CFAP161: variants seen among roughly 807,000 people sequenced by gnomAD.
CFAP161 encodes the protein cilia and flagella associated protein 161, also known as cilia- and flagella-associated protein 161.
CFAP161 carries 25 observed loss-of-function variants against 29.0 expected under a neutral mutation model. The ratio of observed to expected loss-of-function variants is 0.86; its 90% CI spans 0.63 to 1.20. CFAP161 has a LOEUF of 1.20. CFAP161 is among the 50% of genes most tolerant of loss of function. The pLI is 0.00. For missense variants in CFAP161, 367 were observed against 371.9 expected, an observed-to-expected ratio of 0.99 and a Z score of 0.11; for synonymous variants, 116 against 137.4, an observed-to-expected ratio of 0.84 and a Z score of 1.09.
upstream of CFAP161, among the ~76,000 whole-genome samples, chr15:81,131,915 C>A (rs1317377072): frequency 2.0e-5 from 3 of 152,082 alleles, no homozygotes; most frequent in East Asian, 3.8e-4. Flanking sequence ...CAAAAAAAAT[C>A]TTGAAAGCAG....
At chr15:81,103,122 A>G (rs1894322287) in intron 1 of CFAP161, among the ~76,000 whole-genome samples, 1 of 152,222 alleles carries the variant, frequency 6.6e-6, no homozygotes, top group African/African-American at 2.4e-5. Flanking sequence ...AGCACTTAGT[A>G]TGAGCCTGGC....
chr15:81,107,922 AT>A (rs58188926), intron 1 of CFAP161, among the ~76,000 whole-genome samples: 7,248 of 143,522 alleles, frequency 0.051, 516 homozygotes, highest in African/African-American at 0.16. Flanking sequence ...CTCTTATCAC[AT>A]TTTTTTTTTT....
chr15:81,133,214 TATATA>T (rs1894742860), upstream of CFAP161, among the ~76,000 whole-genome samples: 5 of 42,258 alleles, frequency 1.2e-4, no homozygotes, highest in African/African-American at 4.0e-4. Context: ...TATATATATA[TATATA>T]TATATGTATT....
In CFAP161 at chr15:81,121,510, A is replaced by AG. The variant is rs1379320293; in HGVS notation, c.-141-6080_-141-6079insG. Among the ~76,000 whole-genome samples the AG allele has an allele frequency of 1.0e-4, 9 of 87,094 alleles. No individual in the cohort carries two copies. The East Asian group carries it at 2.0e-3, about 19-fold the overall frequency. 57.1% of individuals were successfully genotyped at this position (87,094 alleles called of 152,430 possible). A position where few individuals can be genotyped will look rare whatever the true frequency, so the allele number is the denominator to read the frequency against. ...TACTTTTCTTATAATTTTTTTCATC[A>AG]AAAACACATCTGACTTTTTTGGTAT... On this transcript the variant is annotated intron_variant, in intron 1 of 4. Transcript: ENST00000560091.
At chr15:81,137,427 T>A (rs1595917840) in intron 3 of CFAP161, among the ~76,000 whole-genome samples, 1 of 151,248 alleles carries the variant, frequency 6.6e-6, no homozygotes, top group South Asian at 2.1e-4. Flanking sequence ...AAACCCCATC[T>A]CTACAAAAAA....
At chr15:81,132,085 TG>T (rs1406368084), upstream of CFAP161, among the ~76,000 whole-genome samples, 1 of 152,146 alleles carries the variant, frequency 6.6e-6, no homozygotes, top group Non-Finnish European at 1.5e-5. Context: ...AAGACCAGCC[TG>T]GCCAACCTGG....
intron 5 of CFAP161, among the ~76,000 whole-genome samples, chr15:81,145,504 CTG>C (rs1365170108): frequency 6.6e-6 from 1 of 152,130 alleles, no homozygotes; most frequent in Non-Finnish European, 1.5e-5. Flanking sequence ...GTTGTCATGA[CTG>C]TTGTTGTTAT....
At chr15:81,141,183 A>G (rs572732157) in intron 4 of CFAP161, among the ~76,000 whole-genome samples, 1 of 152,300 alleles carries the variant, frequency 6.6e-6, no homozygotes, top group East Asian at 1.9e-4. Context: ...ATGTCTCTCC[A>G]TTTATTCTGT....
At position 81,136,702 on chromosome 15, in the gene CFAP161, G is replaced by A. The variant is rs748960955; in HGVS notation, c.346G>A (p.Val116Ile). The A allele has an allele frequency of 1.2e-6, 2 of 1,614,154 alleles. No homozygotes were observed. The highest frequency in any genetic ancestry group is 2.2e-5 in the South Asian group (2 of 91,070). ...ELEVPCGLSA[V>I]QAKTPIGRNT... is the part of the protein sequence containing the mutation. ...AGAGGTACCCTGTGGCCTGAGCGCA[G>A]TTCAAGCCAAGACCCCAATTGGCAG... is the stretch of plus-strand genomic sequence containing the variant. The change falls in exon 3 of 7, where the codon GTT (valine) becomes ATT (isoleucine). Residue 116 changes from valine (V) to isoleucine (I), a missense_variant. By Grantham distance (29) the Val-to-Ile change is conservative (BLOSUM62 3). Transcript: ENST00000286732.
chr15:81,105,575 G>A (rs945786033), intron 1 of CFAP161, among the ~76,000 whole-genome samples: 12 of 151,964 alleles, frequency 7.9e-5, no homozygotes, highest in Non-Finnish European at 1.6e-4. Context: ...GGAGAGGTTG[G>A]TTGGCAGAAG....
At chr15:81,118,353 C>CTCT (rs1894526159) in intron 1 of CFAP161, 1 of 313,518 alleles carries the variant, frequency 3.2e-6, no homozygotes, top group Non-Finnish European at 6.1e-6. Context: ...TCTTTAAACA[C>CTCT]TCTTACATCT....
chr15:81,135,351 T>C lies in CFAP161; in HGVS notation c.151T>C (p.Leu51=). The C allele has an allele frequency of 6.3e-7, 1 of 1,580,808 alleles. No individual in the cohort carries two copies. The highest frequency in any genetic ancestry group is 8.5e-7 in the Non-Finnish European group (1 of 1,170,832). Residue 51 remains leucine (L), a synonymous_variant, in exon 2 of 7, where the codon TTG becomes CTG. Transcript: ENST00000286732. ...QRSRRLKQNL[L]RPMQLSVTED... is the part of the protein sequence containing the mutation. ...AAGTAGAAGACTAAAACAGAATCTC[T>C]TGAGACCGGTAACTTTTTTTTTTTT...
Position 81,136,525 on chromosome 15 carries a change from T to G in CFAP161, c.169T>G (p.Ser57Ala). Reference sequence around the variant, plus strand: ...ACTATCAAAATTGTAGATGCAACTTTCCGTAACTGAAGATGGCTATATTCA... The same window carrying G: ...ACTATCAAAATTGTAGATGCAACTTGCCGTAACTGAAGATGGCTATATTCA... ...KQNLLRPMQL[S>A]VTEDGYIHYG... The change falls in exon 3 of 7, where the codon TCC becomes GCC. Residue 57 changes from serine (S) to alanine (A), a missense_variant. Transcript: ENST00000286732. 1 of 1,614,086 alleles carries G rather than the reference T, an allele frequency of 6.2e-7. No homozygotes were observed. Among genetic ancestry groups the G allele is most frequent in the South Asian group, 1.1e-5 (1 of 91,070 alleles).
At chr15:81,119,660 G>A (rs948169449) in intron 1 of CFAP161, among the ~76,000 whole-genome samples, 1 of 151,936 alleles carries the variant, frequency 6.6e-6, no homozygotes, top group Non-Finnish European at 1.5e-5. Context: ...CTCTCTGGAG[G>A]CCCACCCAGA....
At chr15:81,131,136 TAAA>T (rs34706078), upstream of CFAP161, among the ~76,000 whole-genome samples, 21 of 130,894 alleles carry the variant, frequency 1.6e-4, no homozygotes, top group Non-Finnish European at 1.8e-4. Flanking sequence ...CTTCAATTTG[TAAA>T]AAAAAAAAAA....
chr15:81,128,062 T>C (rs1007462012), intron 2 of CFAP161, among the ~76,000 whole-genome samples: 15 of 152,372 alleles, frequency 9.8e-5, no homozygotes, highest in African/African-American at 3.4e-4. Flanking sequence ...GTAGATGGCC[T>C]TGTAGAAGTA....
At chr15:81,107,135 T>C (rs1338367287) in intron 1 of CFAP161, among the ~76,000 whole-genome samples, 1 of 152,186 alleles carries the variant, frequency 6.6e-6, no homozygotes, top group African/African-American at 2.4e-5. Context: ...ATGAGGTGCC[T>C]GGAGGAATTT....
intron 5 of CFAP161, among the ~76,000 whole-genome samples, chr15:81,146,483 G>A (rs772893042): frequency 2.5e-4 from 38 of 151,896 alleles, no homozygotes; most frequent in Non-Finnish European, 4.1e-4. Flanking sequence ...ACCATATCTT[G>A]TGTGGCAAAG....
At chr15:81,129,249 A>G (rs2683249) in intron 2 of CFAP161, among the ~76,000 whole-genome samples, 109,673 of 151,974 alleles carry the variant, frequency 0.72, 40,214 homozygotes, top group Non-Finnish European at 0.78. Flanking sequence ...TTCCAGTTAT[A>G]GAGCACAGGA....
Sources: allele counts gnomAD v4.1 joint callset (sites outside exome capture counted in the v4.1 genomes callset), GRCh38; gene constraint gnomAD v4.1.1; transcripts MANE v1.5; gene names NCBI Gene and HGNC (gene_info 2026-07-23, HGNC 2026-07-21).